Variants in HHAT observed in about 807,000 individuals in gnomAD.
HHAT encodes protein-cysteine N-palmitoyltransferase HHAT.
HHAT carries 47 observed loss-of-function variants against 70.8 expected under a neutral mutation model. The observed-to-expected ratio is 0.66, with a 90% CI of 0.53 to 0.85. HHAT has a LOEUF of 0.85. Among genes scored for constraint, HHAT ranks in the 40% least tolerant of loss-of-function variants. The probability of loss-of-function intolerance (pLI) is 0.00; values close to 1 mark genes in which losing one functional copy is unlikely to be tolerated. For missense variants in HHAT, 609 were observed against 604.8 expected, an observed-to-expected ratio of 1.01 and a Z score of -0.07; for synonymous variants, 228 against 247.6, an observed-to-expected ratio of 0.92 and a Z score of 0.74.
intron 11 of HHAT, among the ~76,000 whole-genome samples, chr1:210,669,026 G>C (rs544507434): frequency 5.3e-5 from 8 of 152,298 alleles, no homozygotes; most frequent in South Asian, 2.1e-4. Flanking sequence ...ACCCGCCTCG[G>C]CTTCCCAAAG....
intron 10 of HHAT, among the ~76,000 whole-genome samples, chr1:210,615,844 C>T (rs989452394): frequency 6.6e-6 from 1 of 152,156 alleles, no homozygotes; most frequent in Non-Finnish European, 1.5e-5. Context: ...TCAGTCTGCC[C>T]CTACTGGGGG....
chr1:210,329,032 G>T lies in HHAT; in HGVS notation c.-116G>T, dbSNP rs1157902063. ...GCCGATGTCGCTGGGACTCGGAAGT[G>T]CCGAAAGAGGGGTGTTGGGAACTCG... is the stretch of plus-strand genomic sequence containing the variant. On this transcript the variant is annotated 5_prime_UTR_variant, in exon 1 of 12. Coordinates refer to ENST00000261458, the MANE Select transcript of HHAT (RefSeq NM_018194.6). 7.0e-7 allele frequency: 1 copy of T among 1,425,956 alleles called. No individual in the cohort carries two copies. The highest frequency in any genetic ancestry group is 1.5e-5 in the African/African-American group (1 of 67,458). The allele number at this position is 1,425,956 out of a possible 1,614,324, so 88.3% of individuals were successfully genotyped here. A position where few individuals can be genotyped will look rare whatever the true frequency, so the allele number is the denominator to read the frequency against.
At chr1:210,523,817 T>C (rs2095200595) in intron 9 of HHAT, among the ~76,000 whole-genome samples, 1 of 152,232 alleles carries the variant, frequency 6.6e-6, no homozygotes, top group Non-Finnish European at 1.5e-5. Context: ...TTTATTTTTA[T>C]ACCAAATTAA....
intron 1 of HHAT, among the ~76,000 whole-genome samples, chr1:210,331,212 C>T (rs1473010738): frequency 1.3e-5 from 2 of 151,912 alleles, no homozygotes; most frequent in South Asian, 2.1e-4. Context: ...TCAGTGGGAC[C>T]CCTGAGCTTG....
chr1:210,440,194 A>C (rs1350313200), intron 7 of HHAT, among the ~76,000 whole-genome samples: 1 of 151,646 alleles, frequency 6.6e-6, no homozygotes, highest in East Asian at 1.9e-4. Context: ...TCATGCCCTT[A>C]GTAGTTGTAA....
chr1:210,464,468 C>T, intron 7 of HHAT, 37 bp from the exon 8 acceptor site: 3 of 1,613,032 alleles, frequency 1.9e-6, no homozygotes, highest in Non-Finnish European at 2.5e-6. Flanking sequence ...TGCTGTGATT[C>T]TCTTCCATGT....
At chr1:210,347,622 A>G (rs1050014731) in intron 1 of HHAT, among the ~76,000 whole-genome samples, 2 of 152,222 alleles carry the variant, frequency 1.3e-5, no homozygotes, top group African/African-American at 4.8e-5. Context: ...TACCTTCTCT[A>G]TTACTTAGAG....
chr1:210,327,358 A>G (rs974396925), upstream of HHAT, among the ~76,000 whole-genome samples: 1 of 147,532 alleles, frequency 6.8e-6, no homozygotes. Flanking sequence ...GCTGGTCTCG[A>G]ACTCCTGGAT....
intron 8 of HHAT, among the ~76,000 whole-genome samples, chr1:210,489,288 G>C: frequency 6.6e-6 from 1 of 152,160 alleles, no homozygotes. Flanking sequence ...TCAGGGAGTG[G>C]GGAGATTAAA....
chr1:210,534,793 G>C (rs12127018), intron 9 of HHAT, among the ~76,000 whole-genome samples: 28,586 of 152,144 alleles, frequency 0.19, 3,288 homozygotes, highest in Middle Eastern at 0.29. Context: ...TTAGAGTTTT[G>C]AATTGTGGAT....
chr1:210,567,197 C>G (rs1268343594), intron 9 of HHAT, among the ~76,000 whole-genome samples: 1 of 152,166 alleles, frequency 6.6e-6, no homozygotes, highest in East Asian at 1.9e-4. Flanking sequence ...TCAGACAAAC[C>G]CAAGTCTCAG....
At chr1:210,628,728 CTTGTCTGAGCAGTTTAT>C (rs996350913) in intron 11 of HHAT, among the ~76,000 whole-genome samples, 2 of 152,168 alleles carry the variant, frequency 1.3e-5, no homozygotes, top group African/African-American at 4.8e-5. Flanking sequence ...TGATTACTAG[CTTGTCTGAGCAGTTTAT>C]TTGTCTCCTA....
At chr1:210,354,280 C>A (rs889977062) in intron 2 of HHAT, among the ~76,000 whole-genome samples, 2 of 139,434 alleles carry the variant, frequency 1.4e-5, no homozygotes, top group African/African-American at 2.8e-5. Context: ...TCTCTGCTCA[C>A]TGTAACCTCT....
intron 6 of HHAT, among the ~76,000 whole-genome samples, chr1:210,416,173 C>T (rs1199424674): frequency 3.3e-5 from 5 of 151,966 alleles, no homozygotes; most frequent in Non-Finnish European, 5.9e-5. Flanking sequence ...TGCCGTGTAG[C>T]TCTCTCTTTC....
intron 4 of HHAT, among the ~76,000 whole-genome samples, chr1:210,399,202 A>G (rs1345333089): frequency 6.6e-6 from 1 of 152,164 alleles, no homozygotes; most frequent in African/African-American, 2.4e-5. Context: ...TAACAACTGT[A>G]TTTGTAGAGT....
chr1:210,362,008 G>A (rs1039339152), intron 2 of HHAT, among the ~76,000 whole-genome samples: 6 of 142,170 alleles, frequency 4.2e-5, no homozygotes, highest in East Asian at 2.1e-4. Flanking sequence ...CAAAAGCCAC[G>A]CCAGTCTGGT....
At chr1:210,614,132 C>T (rs1185204201) in intron 10 of HHAT, among the ~76,000 whole-genome samples, 1 of 151,624 alleles carries the variant, frequency 6.6e-6, no homozygotes, top group Non-Finnish European at 1.5e-5. Flanking sequence ...TTTTTTGCCT[C>T]CCTAGTTAAG....
At chr1:210,429,913 C>T (rs186446287) in intron 7 of HHAT, among the ~76,000 whole-genome samples, 34 of 151,898 alleles carry the variant, frequency 2.2e-4, no homozygotes, top group Admixed American at 2.0e-3. Flanking sequence ...TGCTGATTTT[C>T]CAAATCTATC....
intron 9 of HHAT, among the ~76,000 whole-genome samples, chr1:210,561,204 A>G (rs1234160988): frequency 6.6e-6 from 1 of 152,150 alleles, no homozygotes; most frequent in Non-Finnish European, 1.5e-5. Context: ...ACTTGTTTGG[A>G]CAGAGGGAAG....
Sources: gnomAD v4.1 joint callset for allele counts (sites outside exome capture counted in the v4.1 genomes callset) on GRCh38, gnomAD v4.1.1 for gene constraint, MANE v1.5 for transcripts, NCBI Gene and HGNC (gene_info 2026-07-23, HGNC 2026-07-21) for gene names.